Variants in CLVS2 observed in about 807,000 individuals in gnomAD.
CLVS2 encodes clavesin 2, also known as clavesin-2.
Under a neutral mutation model 29.0 loss-of-function variants are expected in CLVS2, and 19 were observed. That is an observed-to-expected ratio of 0.66 (90% CI 0.46 to 0.96). CLVS2 has a LOEUF of 0.96. Among genes scored for constraint, CLVS2 ranks in the 40% least tolerant of loss-of-function variants. The pLI, the probability that CLVS2 is intolerant of heterozygous loss-of-function variation, is 0.00. For missense variants in CLVS2, 294 were observed against 404.1 expected, an observed-to-expected ratio of 0.73 and a Z score of 2.34; for synonymous variants, 161 against 151.3, an observed-to-expected ratio of 1.06 and a Z score of -0.47.
At chr6:123,053,323 G>A (rs1170610784) in intron 4 of CLVS2, among the ~76,000 whole-genome samples, 1 of 152,144 alleles carries the variant, frequency 6.6e-6, no homozygotes, top group Non-Finnish European at 1.5e-5. Context: ...CAGCCTGGGT[G>A]ACAGAGTAAG....
chr6:123,059,329 G>A (rs2114367408), intron 5 of CLVS2, among the ~76,000 whole-genome samples: 1 of 152,112 alleles, frequency 6.6e-6, no homozygotes, highest in East Asian at 1.9e-4. Flanking sequence ...CTTTGAAATT[G>A]CTGATTTTGT....
intron 3 of CLVS2, among the ~76,000 whole-genome samples, chr6:123,036,290 A>G (rs1775152887): frequency 6.6e-6 from 1 of 152,182 alleles, no homozygotes; most frequent in Non-Finnish European, 1.5e-5. Flanking sequence ...ACTTTCCAAT[A>G]AAGTCACAGG....
chr6:123,001,295 G>T (rs889462041), intron 2 of CLVS2, among the ~76,000 whole-genome samples: 1 of 152,116 alleles, frequency 6.6e-6, no homozygotes, highest in Non-Finnish European at 1.5e-5. Flanking sequence ...TTAGGTTATT[G>T]TAAAGAATTG....
Position 122,998,128 on chromosome 6 carries a change from G to T in CLVS2, c.351G>T (p.Lys117Asn), listed in dbSNP as rs769912651. 6.2e-7 allele frequency: 1 copy of T among 1,613,642 alleles called. No individual in the cohort carries two copies. Among genetic ancestry groups the T allele is most frequent in the Non-Finnish European group, 8.5e-7 (1 of 1,180,020 alleles). Reference protein sequence around the residue: ...GLANLDHYGRKILVLFAANWD... With the variant: ...GLANLDHYGRNILVLFAANWD... ...CCAATCTGGACCACTATGGCAGGAA[G>T]ATTCTAGTCCTTTTTGCTGCCAATT... is the stretch of plus-strand genomic sequence containing the variant. Residue 117 changes from lysine to asparagine, a missense_variant, in exon 2 of 6, where the codon AAG becomes AAT. Lys to Asn is a moderately conservative substitution (Grantham distance 94). Transcript: ENST00000275162.
intron 3 of CLVS2, among the ~76,000 whole-genome samples, chr6:123,014,665 G>A (rs1366636497): frequency 6.6e-6 from 1 of 151,994 alleles, no homozygotes; most frequent in African/African-American, 2.4e-5. Flanking sequence ...ATGTGGATCA[G>A]CTCATTTTTC....
chr6:123,021,823 C>T (rs533152069), intron 3 of CLVS2, among the ~76,000 whole-genome samples: 15 of 152,164 alleles, frequency 9.9e-5, no homozygotes, highest in Admixed American at 9.8e-4. Flanking sequence ...TCAGCCTTTG[C>T]TGGTATGGGT....
intron 1 of CLVS2, among the ~76,000 whole-genome samples, 158 bp downstream of exon 1, chr6:122,996,904 T>C: frequency 6.8e-6 from 1 of 147,082 alleles, no homozygotes; most frequent in African/African-American, 2.5e-5. Flanking sequence ...CCTCCCCCCT[T>C]TTCTCCAACC....
rs1233405646 is a variant in CLVS2, at chr6:123,071,057, A to G, written c.*7296A>G. The G allele has an allele frequency of 6.6e-6, 1 of 151,844 alleles. No homozygotes were observed. Among genetic ancestry groups the G allele is most frequent in the Admixed American group, 6.6e-5 (1 of 15,202 alleles). The allele number at this position is 151,844 out of a possible 1,614,324, so 9.4% of individuals were successfully genotyped here. A position where few individuals can be genotyped will look rare whatever the true frequency, so the allele number is the denominator to read the frequency against. ...CTCCATAGCATTTATCACCTGATACACCATACAGATTATTTATTTACTTTG... is the reference window on the plus strand; with the variant it reads ...CTCCATAGCATTTATCACCTGATACGCCATACAGATTATTTATTTACTTTG... On this transcript the variant is annotated 3_prime_UTR_variant, in exon 6 of 6. Transcript: ENST00000275162.
intron 4 of CLVS2, among the ~76,000 whole-genome samples, chr6:123,053,834 G>C (rs1772650329): frequency 1.3e-5 from 2 of 152,160 alleles, no homozygotes; most frequent in African/African-American, 2.4e-5. Context: ...GGAGAGAACT[G>C]TTAAGAAATA....
chr6:123,033,198 A>T lies in CLVS2; in HGVS notation c.565-15424A>T, dbSNP rs549413853. Among the ~76,000 whole-genome samples, 198 of 152,228 alleles carry T rather than the reference A, an allele frequency of 1.3e-3. 3 individuals carry two copies. Among genetic ancestry groups the T allele is most frequent in the African/African-American group, 4.5e-3 (189 of 41,584 alleles). On this transcript the variant is annotated intron_variant, in intron 3 of 5. Transcript: ENST00000275162. ...AGCTTTGGGGGTAAGGAATTATTTTATTAAAAATCAACTTTAATTTATCTT... is the reference window on the plus strand; with the variant it reads ...AGCTTTGGGGGTAAGGAATTATTTTTTTAAAAATCAACTTTAATTTATCTT...
intron 4 of CLVS2, among the ~76,000 whole-genome samples, chr6:123,050,181 A>G (rs1166619384): frequency 6.6e-6 from 1 of 152,208 alleles, no homozygotes; most frequent in African/African-American, 2.4e-5. Context: ...CAAGTATTAA[A>G]TTAATTCATA....
Position 123,011,156 on chromosome 6 carries a change from G to T in CLVS2, c.561G>T (p.Leu187=), listed in dbSNP as rs920381124. ...TGCTGCGATTAGCTATTGAAGGCCT[G>T]CAGGTAGGATATGGAAATTACCTAC... ...PSMLRLAIEG[L]QDSFPARFGG... Residue 187 remains leucine, a synonymous_variant, in exon 3 of 6, where the codon CTG becomes CTT. Transcript: ENST00000275162. 1.2e-5 allele frequency: 19 copies of T among 1,560,766 alleles called. No homozygotes were observed. Among genetic ancestry groups the T allele is most frequent in the Admixed American group, 5.5e-5 (3 of 54,964 alleles).
At chr6:123,014,602 T>C (rs1207010801) in intron 3 of CLVS2, among the ~76,000 whole-genome samples, 1 of 152,072 alleles carries the variant, frequency 6.6e-6, no homozygotes, top group African/African-American at 2.4e-5. Context: ...GTTATTATAT[T>C]AGAAATGATA....
chr6:123,040,837 A>C (rs1775219694), intron 3 of CLVS2, among the ~76,000 whole-genome samples: 1 of 150,826 alleles, frequency 6.6e-6, no homozygotes, highest in Non-Finnish European at 1.5e-5. Flanking sequence ...TTAAGTGGCA[A>C]AAGAGGAAAT....
chr6:123,045,482 G>C lies in CLVS2; in HGVS notation c.565-3140G>C, dbSNP rs9388173. Among the ~76,000 whole-genome samples, 31 of 152,076 alleles carry C rather than the reference G, an allele frequency of 2.0e-4. 1 individual carries two copies. The East Asian group carries it at 6.0e-3, about 30-fold the overall frequency. ...CCGAGAAAGAGGAAGGTGGGGTTCA[G>C]ACATTGCTGCAAACAATCTCTCAGC... On this transcript the variant is annotated intron_variant, in intron 3 of 5. Transcript: ENST00000275162.
In CLVS2 at chr6:123,071,853, G is replaced by A. The variant is rs1343946824; in HGVS notation, c.*8092G>A. The A allele has an allele frequency of 6.6e-6, 1 of 151,848 alleles. No homozygotes were observed. The highest frequency in any genetic ancestry group is 1.5e-5 in the Non-Finnish European group (1 of 67,900). 9.4% of individuals were successfully genotyped at this position (151,848 alleles called of 1,614,324 possible). A position where few individuals can be genotyped will look rare whatever the true frequency, so the allele number is the denominator to read the frequency against. On this transcript the variant is annotated 3_prime_UTR_variant, in exon 6 of 6. Coordinates refer to ENST00000275162, the MANE Select transcript of CLVS2 (RefSeq NM_001010852.4). ...TTACATATCTTTAAATTTTTATGTT[G>A]AAAATTTATAGCTGTGACACAAGAT...
At chr6:123,057,166 TGG>T (rs1312659506) in intron 5 of CLVS2, among the ~76,000 whole-genome samples, 1 of 152,058 alleles carries the variant, frequency 6.6e-6, no homozygotes, top group Non-Finnish European at 1.5e-5. Flanking sequence ...CACAGAAGTA[TGG>T]GCACCGTAGC....
At chr6:123,030,415 G>A (rs1775066579) in intron 3 of CLVS2, among the ~76,000 whole-genome samples, 1 of 152,162 alleles carries the variant, frequency 6.6e-6, no homozygotes, top group Non-Finnish European at 1.5e-5. Context: ...AAGAAGGAAT[G>A]AGTCATTTTG....
At chr6:123,048,403 C>A (rs6916008) in intron 3 of CLVS2, among the ~76,000 whole-genome samples, 55,696 of 151,824 alleles carry the variant, frequency 0.37, 11,876 homozygotes, top group Non-Finnish European at 0.5. Flanking sequence ...TATCAATAAC[C>A]TATTCTTGGG....
Sources: allele counts gnomAD v4.1 joint callset (sites outside exome capture counted in the v4.1 genomes callset), GRCh38; gene constraint gnomAD v4.1.1; transcripts MANE v1.5; gene names NCBI Gene and HGNC (gene_info 2026-07-23, HGNC 2026-07-21).